Variants in ISM1 observed in about 807,000 individuals in gnomAD.
The protein encoded by ISM1 is isthmin 1.
In ISM1, 25 loss-of-function variants were observed where a neutral mutation model predicts 46.3. That is an observed-to-expected ratio of 0.54 (90% CI 0.39 to 0.75). ISM1 has a LOEUF of 0.75. Ranked by LOEUF, ISM1 falls within the 30% of genes least tolerant of loss-of-function variation. ISM1 has a pLI of 0.00. For synonymous variants in ISM1, 255 were observed against 256.7 expected, an observed-to-expected ratio of 0.99 and a Z score of 0.06; for missense variants, 536 against 625.4, an observed-to-expected ratio of 0.86 and a Z score of 1.52.
In ISM1 at chr20:13,229,651, C is replaced by T. The variant is rs2039566603; in HGVS notation, c.138+7737C>T. Among the ~76,000 whole-genome samples, 7 of 152,088 alleles carry T rather than the reference C, an allele frequency of 4.6e-5. No individual in the cohort carries two copies. The South Asian group carries it at 1.4e-3, about 31-fold the overall frequency. ...TTCTTACACAAGCCTTTCTGTGGAC[C>T]TATGTTTTCATTTCTTGTGAGTAAA... is the stretch of plus-strand genomic sequence containing the variant. On this transcript the variant is annotated intron_variant, in intron 1 of 5. Transcript: ENST00000262487.
intron 2 of ISM1, among the ~76,000 whole-genome samples, chr20:13,276,017 G>A (rs1052260017): frequency 6.6e-6 from 1 of 152,228 alleles, no homozygotes; most frequent in African/African-American, 2.4e-5. Flanking sequence ...TGTTCTTAGA[G>A]CATCAGCAGG....
the ISM1 span, among the ~76,000 whole-genome samples, chr20:13,315,622 A>G: frequency 6.6e-5 from 10 of 152,142 alleles, no homozygotes; most frequent in Non-Finnish European, 1.5e-4. Flanking sequence ...CTCATAGTTG[A>G]ACTCAACAAC....
At position 13,267,382 on chromosome 20, in the gene ISM1, C is replaced by T. The variant is rs148697657; in HGVS notation, c.139-3122C>T. Among the ~76,000 whole-genome samples the T allele has an allele frequency of 4.4e-3, 673 of 152,302 alleles. 5 individuals are homozygous for T. The highest frequency in any genetic ancestry group is 0.024 in the Middle Eastern group (7 of 294). On this transcript the variant is annotated intron_variant, in intron 1 of 5. Transcript: ENST00000262487. ...AACTGAAGCCAAAACATACTTCAGC[C>T]CCAGTTGTCTGACTATTCCCGGCAG...
chr20:13,224,985 A>G (rs2039500437), intron 1 of ISM1, among the ~76,000 whole-genome samples: 1 of 150,828 alleles, frequency 6.6e-6, no homozygotes, highest in South Asian at 2.1e-4. Context: ...AGCTGGGACT[A>G]CAGGCGCCTG....
chr20:13,255,487 G>A (rs753230102), intron 1 of ISM1, among the ~76,000 whole-genome samples: 6 of 152,150 alleles, frequency 3.9e-5, no homozygotes, highest in African/African-American at 1.2e-4. Flanking sequence ...GTAATGAGGA[G>A]CAAGGAGGGA....
intron 5 of ISM1, among the ~76,000 whole-genome samples, chr20:13,294,917 G>A (rs150968577): frequency 1.1e-4 from 16 of 152,260 alleles, no homozygotes; most frequent in East Asian, 1.9e-4. Flanking sequence ...TGAAAGTTGC[G>A]TTGCAATTCA....
intron 5 of ISM1, 108 bp from the exon 6 acceptor site, chr20:13,298,834 G>GTCCTCC: frequency 9.3e-7 from 1 of 1,070,710 alleles, no homozygotes; most frequent in Non-Finnish European, 1.4e-6. Context: ...TGACTTTAGT[G>GTCCTCC]TCCTCCTGCG....
At chr20:13,233,948 G>A (rs2039619099) in intron 1 of ISM1, among the ~76,000 whole-genome samples, 1 of 152,162 alleles carries the variant, frequency 6.6e-6, no homozygotes, top group Non-Finnish European at 1.5e-5. Flanking sequence ...CAGAACTACT[G>A]AATCAGAATC....
rs544931859 is a variant in ISM1, at chr20:13,262,843, AT to A, written c.139-7659del. Reference sequence around the variant, plus strand: ...CCTACCCAAATGCAAAGAGTTGCCCATTCTTCATTTCTTCTAAAGCCTGAGA... The same window carrying A: ...CCTACCCAAATGCAAAGAGTTGCCCATCTTCATTTCTTCTAAAGCCTGAGA... On this transcript the variant is annotated intron_variant, in intron 1 of 5. Coordinates refer to ENST00000262487, the MANE Select transcript of ISM1 (RefSeq NM_080826.2). Among the ~76,000 whole-genome samples the A allele has an allele frequency of 2.0e-4, 31 of 152,298 alleles. No homozygotes were observed. In the East Asian group the frequency reaches 6.0e-3, roughly 29 times the overall value.
At position 13,299,288 on chromosome 20, in the gene ISM1, C is replaced by A; in HGVS notation, c.1224C>A (p.Thr408=). Residue 408 remains threonine (T), a synonymous_variant, in exon 6 of 6, where the codon ACC becomes ACA. Coordinates refer to ENST00000262487, the MANE Select transcript of ISM1 (RefSeq NM_080826.2). The surrounding 1 kb of genome is among the most constrained non-coding windows in gnomAD (Gnocchi z 5.8). ...CGGGCACGCCCAACCTCATCAGCACCGAGTTCTCCGCGGAGCTCCACTACA... is the reference window on the plus strand; with the variant it reads ...CGGGCACGCCCAACCTCATCAGCACAGAGTTCTCCGCGGAGCTCCACTACA... ...KGAGTPNLIS[T]EFSAELHYKV... is the part of the protein sequence containing the mutation. 1.2e-6 allele frequency: 2 copies of A among 1,612,458 alleles called. No individual in the cohort carries two copies. The highest frequency in any genetic ancestry group is 1.7e-6 in the Non-Finnish European group (2 of 1,179,162).
intron 3 of ISM1, among the ~76,000 whole-genome samples, chr20:13,282,049 C>T (rs1378533650): frequency 1.3e-5 from 2 of 152,146 alleles, no homozygotes; most frequent in African/African-American, 4.8e-5. Flanking sequence ...CCCAGAAATC[C>T]GTTTGAACAA....
rs754765452 is a variant in ISM1 at position 13,247,518 on chromosome 20, GTGTGT to G, written c.139-22985_139-22981del. 1.9e-3 allele frequency among the ~76,000 whole-genome samples: 108 copies of G among 58,022 alleles called. 2 individuals are homozygous for G. The highest frequency in any genetic ancestry group is 0.011 in the African/African-American group (106 of 9,862). 38.1% of individuals were successfully genotyped at this position (58,022 alleles called of 152,430 possible). On this transcript the variant is annotated intron_variant, in intron 1 of 5. Coordinates refer to ENST00000262487, the MANE Select transcript of ISM1 (RefSeq NM_080826.2). ...AGCATTTCTGGCAGCAAAGTGAGGGGTGTGTGTGTGTGTGTGTGTGTGTGTGTGTG... is the reference window on the plus strand; with the variant it reads ...AGCATTTCTGGCAGCAAAGTGAGGGGGTGTGTGTGTGTGTGTGTGTGTGTG...
chr20:13,232,119 G>A (rs2039595451), intron 1 of ISM1, among the ~76,000 whole-genome samples: 1 of 152,170 alleles, frequency 6.6e-6, no homozygotes, highest in Non-Finnish European at 1.5e-5. Flanking sequence ...AGTGAGGACA[G>A]GAGGAGAAGA....
At chr20:13,253,378 G>A (rs1367090212) in intron 1 of ISM1, among the ~76,000 whole-genome samples, 2 of 152,206 alleles carry the variant, frequency 1.3e-5, no homozygotes, top group African/African-American at 4.8e-5. Flanking sequence ...ATGCTGGATG[G>A]GAGGCCTTGG....
At chr20:13,295,433 A>G (rs1309147700) in intron 5 of ISM1, among the ~76,000 whole-genome samples, 1 of 152,156 alleles carries the variant, frequency 6.6e-6, no homozygotes, top group African/African-American at 2.4e-5. Context: ...ATGAAACTGA[A>G]CATGTCATGC....
chr20:13,311,483 C>G, the ISM1 span, among the ~76,000 whole-genome samples: 6 of 152,140 alleles, frequency 3.9e-5, no homozygotes, highest in African/African-American at 1.4e-4. Context: ...ATATCTGCAT[C>G]TTCATGTTCA....
At chr20:13,295,846 T>A (rs1184231742) in intron 5 of ISM1, among the ~76,000 whole-genome samples, 1 of 152,118 alleles carries the variant, frequency 6.6e-6, no homozygotes, top group African/African-American at 2.4e-5. Context: ...GATGTTAAAA[T>A]CACGATAGAT....
At chr20:13,321,545 C>CT in the ISM1 span, among the ~76,000 whole-genome samples, 5 of 152,190 alleles carry the variant, frequency 3.3e-5, no homozygotes. Flanking sequence ...AATCCTTCCT[C>CT]TGTCTGCCTA....
chr20:13,318,160 T>TAAATAAATAAAA, the ISM1 span, among the ~76,000 whole-genome samples: 118 of 151,258 alleles, frequency 7.8e-4, 2 homozygotes, highest in South Asian at 0.013. Flanking sequence ...AATAAATAAA[T>TAAATAAATAAAA]AAAAATGAGC....
Sources: allele counts gnomAD v4.1 joint callset (sites outside exome capture counted in the v4.1 genomes callset), GRCh38; gene constraint gnomAD v4.1.1; non-coding constraint Gnocchi (gnomAD v3.1); transcripts MANE v1.5; gene names NCBI Gene and HGNC (gene_info 2026-07-23, HGNC 2026-07-21).